Variants in MTUS1 observed in about 807,000 individuals in gnomAD.
MTUS1 encodes the protein microtubule-associated tumor suppressor 1.
A neutral mutation model predicts 120.8 loss-of-function variants in MTUS1; 109 were observed. The observed-to-expected ratio is 0.90, with a 90% CI of 0.77 to 1.06. MTUS1 has a LOEUF of 1.06. Ranked by LOEUF, MTUS1 falls within the 50% of genes least tolerant of loss-of-function variation. The pLI is 0.00. For synonymous variants in MTUS1, 737 were observed against 550.5 expected, an observed-to-expected ratio of 1.34 and a Z score of -4.74; for missense variants, 2,210 against 1,486.3, an observed-to-expected ratio of 1.49 and a Z score of -8.01.
chr8:17,660,083 C>T (rs935741454), intron 8 of MTUS1, among the ~76,000 whole-genome samples: 1 of 151,922 alleles, frequency 6.6e-6, no homozygotes, highest in Non-Finnish European at 1.5e-5. Flanking sequence ...CAATATTATT[C>T]CATTGTTGGC....
intron 6 of MTUS1, among the ~76,000 whole-genome samples, chr8:17,693,727 T>C (rs1402101994): frequency 6.6e-6 from 1 of 152,190 alleles, no homozygotes; most frequent in Non-Finnish European, 1.5e-5. Flanking sequence ...GAGAGCTGCT[T>C]GGGCACAAGT....
chr8:17,763,123 T>A (rs1317027636), intron 1 of MTUS1, among the ~76,000 whole-genome samples: 2 of 152,084 alleles, frequency 1.3e-5, no homozygotes, highest in Non-Finnish European at 2.9e-5. Context: ...CCTGAGTAGC[T>A]GGGATTACAG....
chr8:17,748,685 T>C (rs953806861), intron 2 of MTUS1, among the ~76,000 whole-genome samples: 2 of 152,158 alleles, frequency 1.3e-5, no homozygotes, highest in Non-Finnish European at 2.9e-5. Flanking sequence ...CTGGATCCTG[T>C]ACTCACTTGC....
chr8:17,700,861 A>AT (rs1818940587), intron 6 of MTUS1, among the ~76,000 whole-genome samples: 1 of 152,184 alleles, frequency 6.6e-6, no homozygotes, highest in East Asian at 1.9e-4. Context: ...ATGATACAGA[A>AT]TGTTTCATAA....
At position 17,697,179 on chromosome 8, in the gene MTUS1, A is replaced by G. The variant is rs1012405510; in HGVS notation, c.2624-12637T>C. The G allele has an allele frequency of 2.0e-6, 3 of 1,483,792 alleles. No individual in the cohort carries two copies. In the African/African-American group the frequency reaches 4.2e-5, roughly 21 times the overall value. 91.9% of individuals were successfully genotyped at this position (1,483,792 alleles called of 1,614,324 possible). ...TCCTCCAATTATCTGTCTCCTTGGA[A>G]AAACCTCTGATAAACATCTGCAAAT... On this transcript the variant is annotated intron_variant, in intron 6 of 14. Transcript: ENST00000693296.
Position 17,785,998 on chromosome 8 carries a change from G to C in MTUS1, c.-155+15063C>G, listed in dbSNP as rs543581033. Among the ~76,000 whole-genome samples the C allele has an allele frequency of 8.5e-5, 13 of 152,204 alleles. No individual in the cohort carries two copies. The South Asian group carries it at 2.7e-3, about 32-fold the overall frequency. On this transcript the variant is annotated intron_variant, in intron 1 of 14. Coordinates refer to ENST00000693296, the MANE Select transcript of MTUS1 (RefSeq NM_001363059.2). ...CCCTAAAAAATTTAAAAATTAGCCA[G>C]CCATGGTGGCACATGCCCATAGTCC...
Position 17,755,053 on chromosome 8 carries a change from T to G in MTUS1, c.755A>C (p.Gln252Pro). The G allele has an allele frequency of 6.2e-7, 1 of 1,613,862 alleles. No individual in the cohort carries two copies. The highest frequency in any genetic ancestry group is 8.5e-7 in the Non-Finnish European group (1 of 1,180,052). The change falls in exon 2 of 15, where the codon CAA (glutamine) becomes CCA (proline). Residue 252 changes from glutamine (Q) to proline (P), a missense_variant. Coordinates refer to ENST00000693296, the MANE Select transcript of MTUS1 (RefSeq NM_001363059.2). ...AATATCTGAAACAAAAACCTCACTT[T>G]GCATCACCACATCAGAAAATGCTGT... Reference protein sequence around the residue: ...TYTAFSDVVMQSEVFVSDIGN... With the variant: ...TYTAFSDVVMPSEVFVSDIGN...
intron 1 of MTUS1, among the ~76,000 whole-genome samples, chr8:17,764,960 A>C (rs2049350619): frequency 6.6e-6 from 1 of 152,222 alleles, no homozygotes; most frequent in South Asian, 2.1e-4. Context: ...GTAATACATA[A>C]TCAAATAATT....
At chr8:17,694,973 G>A (rs1253364817) in intron 6 of MTUS1, among the ~76,000 whole-genome samples, 2 of 152,102 alleles carry the variant, frequency 1.3e-5, no homozygotes, top group Admixed American at 6.6e-5. Context: ...GTCACCAGCA[G>A]AATCAAGGCT....
intron 3 of MTUS1, 25 bp downstream of exon 3, chr8:17,743,579 A>C (rs775431358): frequency 6.3e-7 from 1 of 1,595,020 alleles, no homozygotes; most frequent in South Asian, 1.1e-5. Context: ...TTAACTCATA[A>C]ACTATTGAAC....
chr8:17,697,346 G>C (rs1198324915), intron 6 of MTUS1: 1 of 1,614,056 alleles, frequency 6.2e-7, no homozygotes, highest in Admixed American at 1.7e-5. Flanking sequence ...TATGTGAATG[G>C]TGGATAAGGA....
chr8:17,650,143 A>T (rs1386515829), intron 12 of MTUS1, among the ~76,000 whole-genome samples, 181 bp from the exon 13 acceptor site: 1 of 152,254 alleles, frequency 6.6e-6, no homozygotes, highest in African/African-American at 2.4e-5. Flanking sequence ...ACTGGTCCTA[A>T]TACTGAAAGC....
intron 1 of MTUS1, among the ~76,000 whole-genome samples, chr8:17,799,565 G>C (rs1483728395): frequency 6.6e-6 from 1 of 152,062 alleles, no homozygotes; most frequent in African/African-American, 2.4e-5. Flanking sequence ...TAACAGAACA[G>C]GGCTATTAAG....
intron 1 of MTUS1, among the ~76,000 whole-genome samples, chr8:17,771,504 C>T (rs568765738): frequency 2.6e-5 from 4 of 152,288 alleles, no homozygotes; most frequent in Middle Eastern, 3.4e-3. Flanking sequence ...CTTGGGCCAG[C>T]GTATCTGCTC....
intron 8 of MTUS1, chr8:17,674,657 C>T: frequency 1.0e-6 from 1 of 986,902 alleles, no homozygotes; most frequent in Non-Finnish European, 1.2e-6. Context: ...GTGGGGCTCC[C>T]TGTGGAGCGG....
At position 17,684,459 on chromosome 8, in the gene MTUS1, G is replaced by A. The variant is rs772507766; in HGVS notation, c.2707C>T (p.Leu903Phe). ...TTTGTTTTATATTGCGTCAATTCAA[G>A]TGTTTTCTCAGGGGGCAGCGCATCG... ...APDALPPEKT[L>F]ELTQYKTKCE... The change falls in exon 7 of 15, where the codon CTT becomes TTT. Residue 903 changes from leucine (L) to phenylalanine (F), a missense_variant. By Grantham distance (22) the Leu-to-Phe change is conservative. Transcript: ENST00000693296. 10 of 1,614,168 alleles carry A rather than the reference G, an allele frequency of 6.2e-6. No individual in the cohort carries two copies. The highest frequency in any genetic ancestry group is 1.6e-4 in the Middle Eastern group (1 of 6,062).
chr8:17,709,423 C>G (rs905152013), intron 6 of MTUS1, among the ~76,000 whole-genome samples: 2 of 152,060 alleles, frequency 1.3e-5, no homozygotes, highest in Admixed American at 6.6e-5. Flanking sequence ...TCTATTTGAG[C>G]AGGTTTTTTA....
intron 8 of MTUS1, among the ~76,000 whole-genome samples, chr8:17,670,274 T>A (rs939067373): frequency 1.3e-5 from 2 of 152,130 alleles, no homozygotes; most frequent in African/African-American, 4.8e-5. Flanking sequence ...CTGGGAAGCA[T>A]CTGCAGCTTG....
chr8:17,650,079 C>T (rs1360510746), intron 12 of MTUS1, 117 bp from the exon 13 acceptor site: 2 of 718,688 alleles, frequency 2.8e-6, no homozygotes, highest in Non-Finnish European at 5.0e-6. Context: ...TGTTCATCAT[C>T]TTAGAGCAAT....
Sources: allele counts gnomAD v4.1 joint callset (sites outside exome capture counted in the v4.1 genomes callset), GRCh38; gene constraint gnomAD v4.1.1; transcripts MANE v1.5; gene names NCBI Gene and HGNC (gene_info 2026-07-23, HGNC 2026-07-21).